The following CD163L1 variants were observed in gnomAD, a reference collection of about 807,000 sequenced individuals.
CD163L1 encodes CD163 molecule like 1, also known as scavenger receptor cysteine-rich type 1 protein M160.
In CD163L1, 124 loss-of-function variants were observed where a neutral mutation model predicts 165.4. That is an observed-to-expected ratio of 0.75 (90% CI 0.65 to 0.87). CD163L1 has a LOEUF of 0.87. CD163L1 is among the 40% of genes least tolerant of loss of function. CD163L1 has a pLI of 0.00. For missense variants in CD163L1, 1,525 were observed against 1,799.9 expected, an observed-to-expected ratio of 0.85 and a Z score of 2.76; for synonymous variants, 585 against 662.2, an observed-to-expected ratio of 0.88 and a Z score of 1.79.
At chr12:7,426,592 C>T (rs1255097570) in intron 4 of CD163L1, among the ~76,000 whole-genome samples, 1 of 152,066 alleles carries the variant, frequency 6.6e-6, no homozygotes, top group Non-Finnish European at 1.5e-5. Context: ...TCTGAGAAAT[C>T]ACTACTAAAG....
chr12:7,427,985 T>C (rs779752703), intron 4 of CD163L1, among the ~76,000 whole-genome samples: 17 of 152,286 alleles, frequency 1.1e-4, no homozygotes, highest in African/African-American at 2.6e-4. Flanking sequence ...ATATTGCTAA[T>C]TGCAAAACAA....
chr12:7,341,030 A>G, the CD163L1 span, among the ~76,000 whole-genome samples: 2 of 152,174 alleles, frequency 1.3e-5, no homozygotes, highest in Admixed American at 1.3e-4. Flanking sequence ...ATGTGTCCAA[A>G]GTGTGGGAAG....
At chr12:7,411,494 T>C (rs994269736) in intron 4 of CD163L1, among the ~76,000 whole-genome samples, 2 of 152,150 alleles carry the variant, frequency 1.3e-5, no homozygotes, top group South Asian at 2.1e-4. Flanking sequence ...AATGAGTTCA[T>C]AGGGGAGCTG....
chr12:7,380,755 T>C (rs2136449146), intron 8 of CD163L1, among the ~76,000 whole-genome samples: 2 of 152,158 alleles, frequency 1.3e-5, no homozygotes, highest in South Asian at 2.1e-4. Flanking sequence ...ACTATTACCA[T>C]CTGTTCCCTA....
At position 7,408,676 on chromosome 12, in the gene CD163L1, T is replaced by C. The variant is rs774378566; in HGVS notation, c.767-1824A>G. On this transcript the variant is annotated intron_variant, in intron 4 of 19. Coordinates refer to ENST00000313599, the MANE Select transcript of CD163L1 (RefSeq NM_174941.6). ...TTAATCTAATAACTGATTCAGGAAA[T>C]AGATTCCCAGAAATAATGTGGAACC... Among the ~76,000 whole-genome samples the C allele has an allele frequency of 2.0e-5, 3 of 152,324 alleles. No individual in the cohort carries two copies. In the South Asian group the frequency reaches 6.2e-4, roughly 32 times the overall value.
At chr12:7,425,478 A>G (rs1235497274) in intron 4 of CD163L1, among the ~76,000 whole-genome samples, 1 of 152,238 alleles carries the variant, frequency 6.6e-6, no homozygotes, top group African/African-American at 2.4e-5. Flanking sequence ...GCCAAAATTG[A>G]CAAATAGGAT....
At chr12:7,359,478 C>T (rs779495362) in intron 18 of CD163L1, among the ~76,000 whole-genome samples, 1 of 152,034 alleles carries the variant, frequency 6.6e-6, no homozygotes, top group South Asian at 2.1e-4. Context: ...AAAAAAAGAA[C>T]CATCAACTTA....
the CD163L1 span, among the ~76,000 whole-genome samples, chr12:7,329,776 A>T: frequency 1.3e-5 from 2 of 152,322 alleles, no homozygotes; most frequent in Middle Eastern, 6.8e-3. Context: ...TTTTTTAATG[A>T]GTTCAGGTTA....
At chr12:7,329,343 T>TC in the CD163L1 span, among the ~76,000 whole-genome samples, 4 of 150,004 alleles carry the variant, frequency 2.7e-5, no homozygotes, top group Non-Finnish European at 3.0e-5. Flanking sequence ...TTAATTTTTT[T>TC]TTCTTTTTTT....
At chr12:7,436,763 T>C (rs1381745369) in intron 2 of CD163L1, among the ~76,000 whole-genome samples, 1 of 151,976 alleles carries the variant, frequency 6.6e-6, no homozygotes, top group Admixed American at 6.5e-5. Flanking sequence ...TAATGAAAAA[T>C]ATAGAAAATA....
intron 1 of CD163L1, 140 bp from the exon 2 acceptor site, chr12:7,441,386 A>T: frequency 1.6e-6 from 1 of 623,562 alleles, no homozygotes; most frequent in Non-Finnish European, 2.7e-6. Context: ...CGCACAAGAA[A>T]GTCCTTTTCC....
chr12:7,324,126 A>T, the CD163L1 span: 1 of 941,512 alleles, frequency 1.1e-6, no homozygotes, highest in Non-Finnish European at 1.5e-6. Context: ...TGCAGGCTCC[A>T]GTCTAGGCAA....
At chr12:7,336,698 G>T in the CD163L1 span, among the ~76,000 whole-genome samples, 3 of 151,964 alleles carry the variant, frequency 2.0e-5, no homozygotes, top group South Asian at 2.1e-4. Flanking sequence ...CAAACAAATG[G>T]AAAAACATTC....
chr12:7,326,629 T>C, the CD163L1 span, among the ~76,000 whole-genome samples: 1 of 152,216 alleles, frequency 6.6e-6, no homozygotes, highest in Non-Finnish European at 1.5e-5. Flanking sequence ...ATGCTTCTAA[T>C]GGTATAGGTT....
downstream of CD163L1, among the ~76,000 whole-genome samples, chr12:7,354,753 C>T (rs1048944746): frequency 2.0e-5 from 3 of 152,134 alleles, no homozygotes; most frequent in African/African-American, 7.2e-5. Context: ...TGACTTCCCA[C>T]TGTACACTCA....
At chr12:7,407,988 T>C (rs1948064224) in intron 4 of CD163L1, among the ~76,000 whole-genome samples, 1 of 152,046 alleles carries the variant, frequency 6.6e-6, no homozygotes, top group Non-Finnish European at 1.5e-5. Context: ...CAGCGGTTGG[T>C]TGACTCCATG....
rs754097265 is a variant in CD163L1, at chr12:7,374,799, T to C, written c.3094+32A>G. 3.7e-6 allele frequency: 6 copies of C among 1,614,086 alleles called. No homozygotes were observed. The highest frequency in any genetic ancestry group is 1.7e-5 in the Admixed American group (1 of 60,024). On this transcript the variant is annotated intron_variant, in intron 12 of 19. Transcript: ENST00000313599. This position sits in a 1 kb window ranked among gnomAD's most constrained non-coding sequence, Gnocchi z 5.4. ...AGTTAATAGGTCACATTCTTTAGAGTTGCAGTGTTTCCTAAAACTGATTCT... is the reference window on the plus strand; with the variant it reads ...AGTTAATAGGTCACATTCTTTAGAGCTGCAGTGTTTCCTAAAACTGATTCT...
chr12:7,402,778 G>A (rs1016110331), intron 6 of CD163L1, among the ~76,000 whole-genome samples: 1 of 151,900 alleles, frequency 6.6e-6, no homozygotes, highest in African/African-American at 2.4e-5. Flanking sequence ...TAGGACCACA[G>A]GTATGCACCA....
chr12:7,421,648 CATAT>C (rs1470033000), intron 4 of CD163L1, among the ~76,000 whole-genome samples: 1 of 129,042 alleles, frequency 7.7e-6, no homozygotes, highest in African/African-American at 2.9e-5. Flanking sequence ...TACACATATA[CATAT>C]ATGTACATAT....
Sources: allele counts gnomAD v4.1 joint callset (sites outside exome capture counted in the v4.1 genomes callset), GRCh38; gene constraint gnomAD v4.1.1; non-coding constraint Gnocchi (gnomAD v3.1); transcripts MANE v1.5; gene names NCBI Gene and HGNC (gene_info 2026-07-23, HGNC 2026-07-21).